E2F3: variants seen among roughly 807,000 people sequenced by gnomAD.
E2F3 encodes the protein E2F transcription factor 3.
In E2F3, 11 loss-of-function variants were observed where a neutral mutation model predicts 44.4. The ratio of observed to expected loss-of-function variants is 0.25; its 90% CI spans 0.16 to 0.41. The LOEUF is 0.41. Ranked by LOEUF, E2F3 falls within the 10% of genes least tolerant of loss-of-function variation. The probability of loss-of-function intolerance (pLI) is 1.00; values close to 1 mark genes in which losing one functional copy is unlikely to be tolerated. For missense variants in E2F3, 487 were observed against 583.6 expected (o/e 0.83, Z 1.70); for synonymous variants, 249 against 253.0 (o/e 0.98, Z 0.15).
intron 3 of E2F3, 87 bp downstream of exon 3, chr6:20,481,512 C>A: frequency 2.6e-6 from 3 of 1,144,380 alleles, no homozygotes; most frequent in Admixed American, 2.0e-5. Context: ...CACATCCACG[C>A]CCACACGTTC....
At position 20,428,290 on chromosome 6, in the gene E2F3, C is replaced by A. The variant is rs149586855; in HGVS notation, c.393+25665C>A. 4.7e-3 allele frequency among the ~76,000 whole-genome samples: 719 copies of A among 152,156 alleles called. 5 individuals are homozygous for A. Among genetic ancestry groups the A allele is most frequent in the African/African-American group, 0.016 (685 of 41,516 alleles). On this transcript the variant is annotated intron_variant, in intron 1 of 6. Transcript: ENST00000346618. ...CTAGGCTGGAGTGCAATGGTGCGAT[C>A]TTGGCTCACTGCAACCTCTGCTTCC...
chr6:20,415,713 G>A (rs1759823835), intron 1 of E2F3, among the ~76,000 whole-genome samples: 1 of 152,096 alleles, frequency 6.6e-6, no homozygotes, highest in South Asian at 2.1e-4. Flanking sequence ...ATTAACTTTG[G>A]AATGCCTAAC....
intron 2 of E2F3, 93 bp downstream of exon 2, chr6:20,480,050 A>T: frequency 6.8e-7 from 1 of 1,480,690 alleles, no homozygotes; most frequent in Non-Finnish European, 9.0e-7. Flanking sequence ...GGTGTGAATA[A>T]TTCTGGCATG....
chr6:20,416,094 A>G (rs1175399018), intron 1 of E2F3, among the ~76,000 whole-genome samples: 5 of 152,196 alleles, frequency 3.3e-5, no homozygotes, highest in Admixed American at 3.3e-4. Flanking sequence ...GATTGAATGC[A>G]ATAATGCCTG....
At chr6:20,455,514 G>A (rs1279495265) in intron 1 of E2F3, among the ~76,000 whole-genome samples, 1 of 152,164 alleles carries the variant, frequency 6.6e-6, no homozygotes, top group Non-Finnish European at 1.5e-5. Flanking sequence ...ATCAGATATT[G>A]CCTTGTCCAC....
At chr6:20,403,516 C>A (rs2127581902) in intron 1 of E2F3, among the ~76,000 whole-genome samples, 1 of 152,210 alleles carries the variant, frequency 6.6e-6, no homozygotes. Flanking sequence ...CTCCGGGACC[C>A]GCCGGTGACG....
chr6:20,476,008 T>C (rs1235894276), intron 1 of E2F3, among the ~76,000 whole-genome samples: 4 of 152,142 alleles, frequency 2.6e-5, no homozygotes, highest in Non-Finnish European at 4.4e-5. Context: ...TGTCACACCA[T>C]AGCCATCTTG....
intron 1 of E2F3, among the ~76,000 whole-genome samples, chr6:20,467,435 T>G (rs1324578702): frequency 6.6e-6 from 1 of 152,206 alleles, no homozygotes; most frequent in Admixed American, 6.5e-5. Flanking sequence ...TGCATTTTAG[T>G]AAAGCCTCCT....
At chr6:20,485,876 A>C (rs1259286478) in intron 4 of E2F3, among the ~76,000 whole-genome samples, 1 of 152,130 alleles carries the variant, frequency 6.6e-6, no homozygotes, top group African/African-American at 2.4e-5. Flanking sequence ...TGTATTTGTT[A>C]CTTATTTATT....
intron 1 of E2F3, among the ~76,000 whole-genome samples, chr6:20,443,325 A>G (rs1258700505): frequency 1.3e-5 from 2 of 152,218 alleles, no homozygotes; most frequent in African/African-American, 4.8e-5. Flanking sequence ...TTTACAAAAG[A>G]CACAGTTTCT....
At chr6:20,416,530 T>C (rs1004299847) in intron 1 of E2F3, among the ~76,000 whole-genome samples, 4 of 152,218 alleles carry the variant, frequency 2.6e-5, no homozygotes, top group Non-Finnish European at 5.9e-5. Flanking sequence ...GTTCTAAGTA[T>C]GTGGTGCTGG....
rs1480334998 is a variant in E2F3 at position 20,481,436 on chromosome 6, G to A, written c.725+11G>A. On this transcript the variant is annotated intron_variant, in intron 3 of 6. Coordinates refer to ENST00000346618, the MANE Select transcript of E2F3 (RefSeq NM_001949.5). ...CAACGTCCAATGGATGTGAGTAGGA[G>A]TCCTCCCCATGCCCCGGCTCTGAGG... is the stretch of plus-strand genomic sequence containing the variant. 25 of 1,613,262 alleles carry A rather than the reference G, an allele frequency of 1.5e-5. No homozygotes were observed. The highest frequency in any genetic ancestry group is 8.5e-7 in the Non-Finnish European group (1 of 1,179,556).
At chr6:20,404,340 G>A (rs1036506798) in intron 1 of E2F3, among the ~76,000 whole-genome samples, 1 of 152,152 alleles carries the variant, frequency 6.6e-6, no homozygotes, top group Non-Finnish European at 1.5e-5. Flanking sequence ...TGGCCCGGAG[G>A]TCTCCCCTTT....
intron 3 of E2F3, 80 bp downstream of exon 3, chr6:20,481,505 A>G (rs1041763444): frequency 9.0e-6 from 11 of 1,217,464 alleles, no homozygotes; most frequent in Non-Finnish European, 1.2e-5. Flanking sequence ...TCACTTTCAC[A>G]TCCACGCCCA....
intron 1 of E2F3, among the ~76,000 whole-genome samples, chr6:20,440,385 C>T (rs1043265058): frequency 6.6e-6 from 1 of 152,198 alleles, no homozygotes; most frequent in African/African-American, 2.4e-5. Context: ...ACTTTAGCCC[C>T]AGCCTACTTC....
At chr6:20,482,602 ATAT>A (rs1561885292) in intron 3 of E2F3, among the ~76,000 whole-genome samples, 157 bp from the exon 4 acceptor site, 2,231 of 108,016 alleles carry the variant, frequency 0.021, 61 homozygotes, top group African/African-American at 0.081. Context: ...AAAAAAAAAT[ATAT>A]ATATATATAT....
At chr6:20,419,729 T>C (rs1581579051) in intron 1 of E2F3, among the ~76,000 whole-genome samples, 4 of 152,060 alleles carry the variant, frequency 2.6e-5, no homozygotes, top group African/African-American at 9.7e-5. Flanking sequence ...CATGGCTGGC[T>C]ACTTTTTTCA....
chr6:20,432,854 T>C (rs1760453398), intron 1 of E2F3, among the ~76,000 whole-genome samples: 1 of 152,210 alleles, frequency 6.6e-6, no homozygotes, highest in Admixed American at 6.5e-5. Context: ...CCAAGCTGCT[T>C]CCTGCCTCAG....
chr6:20,423,376 AAAT>A (rs1357579708), intron 1 of E2F3, among the ~76,000 whole-genome samples: 2 of 145,584 alleles, frequency 1.4e-5, no homozygotes, highest in African/African-American at 4.8e-5. Context: ...AGTATAGTAA[AAAT>A]ACAGTCTTAT....
Sources: gnomAD v4.1 joint callset for allele counts (sites outside exome capture counted in the v4.1 genomes callset) on GRCh38, gnomAD v4.1.1 for gene constraint, MANE v1.5 for transcripts, NCBI Gene and HGNC (gene_info 2026-07-23, HGNC 2026-07-21) for gene names.